HSPG2: variants seen among roughly 807,000 people sequenced by gnomAD.
HSPG2 encodes basement membrane-specific heparan sulfate proteoglycan core protein.
HSPG2 carries 278 observed loss-of-function variants against 526.6 expected under a neutral mutation model. The observed-to-expected ratio is 0.53, with a 90% confidence interval of 0.48 to 0.58. The LOEUF (loss-of-function observed/expected upper bound fraction) is 0.58. Among genes scored for constraint, HSPG2 ranks in the 20% least tolerant of loss-of-function variants. The pLI is 0.00. For synonymous variants in HSPG2, 2,465 were observed against 2,555.4 expected, an observed-to-expected ratio of 0.96 and a Z score of 1.07; for missense variants, 5,354 against 6,099.5, an observed-to-expected ratio of 0.88 and a Z score of 4.07.
chr1:21,841,193 G>C lies in HSPG2; in HGVS notation c.9421C>G (p.Arg3141Gly). 1 of 1,613,840 alleles carries C rather than the reference G, an allele frequency of 6.2e-7. No homozygotes were observed. Reference sequence around the variant, plus strand: ...ATCCGGGTCCAACGAGCAGAGGAGCGGGGCTCCCCGGCACTGACACACTCC... The same window carrying C: ...ATCCGGGTCCAACGAGCAGAGGAGCCGGGCTCCCCGGCACTGACACACTCC... ...TLECVSAGEPRSSARWTRISS... is the reference protein window; with the variant it reads ...TLECVSAGEPGSSARWTRISS... Residue 3141 changes from arginine to glycine, a missense_variant, in exon 71 of 97, where the codon CGC becomes GGC. Physicochemically the swap from Arg to Gly is moderately radical, Grantham distance 125. Transcript: ENST00000374695.
rs369507890 is a variant in HSPG2, at chr1:21,887,410, C to T, written c.958+10G>A. 66 of 1,613,866 alleles carry T rather than the reference C, an allele frequency of 4.1e-5. No homozygotes were observed. The highest frequency in any genetic ancestry group is 9.3e-5 in the African/African-American group (7 of 74,908). On this transcript the variant is annotated intron_variant, in intron 8 of 96. Coordinates refer to ENST00000374695, the MANE Select transcript of HSPG2 (RefSeq NM_005529.7). The surrounding 1 kb of genome is among the most constrained non-coding windows in gnomAD (Gnocchi z 5.0). Reference sequence around the variant, plus strand: ...TCCCCGCACCCACCTGCACCCCTGCCGGTGCGCACCACAGTCTAGCTCATC... The same window carrying T: ...TCCCCGCACCCACCTGCACCCCTGCTGGTGCGCACCACAGTCTAGCTCATC...
chr1:21,854,087 C>G, intron 50 of HSPG2, 106 bp downstream of exon 50: 1 of 1,292,144 alleles, frequency 7.7e-7, no homozygotes, highest in Non-Finnish European at 1.1e-6. Context: ...AGGGTCAAAG[C>G]CTGCCTGGAA....
At chr1:21,830,729 G>A (rs984300716) in intron 85 of HSPG2, 3 of 541,698 alleles carry the variant, frequency 5.5e-6, no homozygotes, top group Non-Finnish European at 9.8e-6. Context: ...CTGGGGGTGG[G>A]GGAGTGCCTG....
chr1:21,911,667 C>T (rs971008268), intron 1 of HSPG2, among the ~76,000 whole-genome samples: 44 of 152,300 alleles, frequency 2.9e-4, no homozygotes, highest in Admixed American at 2.5e-3. Context: ...CCAGGGCCCC[C>T]GTGGGGAGGT....
intron 1 of HSPG2, among the ~76,000 whole-genome samples, chr1:21,930,619 C>A (rs762109909): frequency 6.6e-6 from 1 of 151,978 alleles, no homozygotes; most frequent in Non-Finnish European, 1.5e-5. Context: ...ACTAAAAATA[C>A]AAAAATTAGC....
In HSPG2 at chr1:21,839,298, C is replaced by G; in HGVS notation, c.9889+73G>C. On this transcript the variant is annotated intron_variant, in intron 73 of 96. Coordinates refer to ENST00000374695, the MANE Select transcript of HSPG2 (RefSeq NM_005529.7). This position sits in a 1 kb window ranked among gnomAD's most constrained non-coding sequence, Gnocchi z 4.5. ...ACCTCTGGATGGGGTTCCTGGGGTT[C>G]TGTGTGGGGTGGAGCCTAGTCGGGG... 1 of 1,557,904 alleles carries G rather than the reference C, an allele frequency of 6.4e-7. No homozygotes were observed.
rs1236879666 is a variant in HSPG2, at chr1:21,858,136, C to G, written c.5294-751G>C. Among the ~76,000 whole-genome samples, 3 of 152,120 alleles carry G rather than the reference C, an allele frequency of 2.0e-5. No individual in the cohort carries two copies. Among genetic ancestry groups the G allele is most frequent in the Non-Finnish European group, 4.4e-5 (3 of 68,042 alleles). ...TTGCAGGAGTTGTCCACACTCGCTG[C>G]CTTCCCACCCATGTGTCGCCTCCTT... On this transcript the variant is annotated intron_variant, in intron 42 of 96. Coordinates refer to ENST00000374695, the MANE Select transcript of HSPG2 (RefSeq NM_005529.7). This position sits in a 1 kb window ranked among gnomAD's most constrained non-coding sequence, Gnocchi z 4.2.
At position 21,858,983 on chromosome 1, in the gene HSPG2, G is replaced by A. The variant is rs909659389; in HGVS notation, c.5293+583C>T. On this transcript the variant is annotated intron_variant, in intron 42 of 96. Transcript: ENST00000374695. This position sits in a 1 kb window ranked among gnomAD's most constrained non-coding sequence, Gnocchi z 4.2. ...ATCTGCTTGGTGACACAGCCTTTATGGACGCCCTCCCATCCCTGTCTCACT... is the reference window on the plus strand; with the variant it reads ...ATCTGCTTGGTGACACAGCCTTTATAGACGCCCTCCCATCCCTGTCTCACT... 4.0e-5 allele frequency among the ~76,000 whole-genome samples: 6 copies of A among 151,826 alleles called. No homozygotes were observed. The highest frequency in any genetic ancestry group is 2.1e-4 in the South Asian group (1 of 4,816).
At chr1:21,873,486 G>C in intron 29 of HSPG2, 62 bp from the exon 30 acceptor site, 1 of 1,504,078 alleles carries the variant, frequency 6.6e-7, no homozygotes, top group Non-Finnish European at 9.3e-7. Context: ...CCAGGGCTGG[G>C]CTGAGGGCCC....
chr1:21,851,499 AGG>A, intron 55 of HSPG2, 45 bp downstream of exon 55: 1 of 1,612,032 alleles, frequency 6.2e-7, no homozygotes, highest in Non-Finnish European at 8.5e-7. Flanking sequence ...TCCGCCACCC[AGG>A]GACCCGCTTC....
intron 9 of HSPG2, 106 bp from the exon 10 acceptor site, chr1:21,885,557 G>T (rs1016368557): frequency 3.1e-6 from 4 of 1,276,444 alleles, no homozygotes; most frequent in Non-Finnish European, 4.4e-6. Context: ...AGCGGCCCTC[G>T]CCATGCCTAG....
chr1:21,899,942 C>G (rs1643000769), intron 1 of HSPG2, among the ~76,000 whole-genome samples: 3 of 152,242 alleles, frequency 2.0e-5, no homozygotes, highest in South Asian at 2.1e-4. Context: ...TGTCCCCAAC[C>G]TGACCAGCTC....
intron 1 of HSPG2, among the ~76,000 whole-genome samples, chr1:21,915,154 C>G (rs982131571): frequency 6.6e-6 from 1 of 152,160 alleles, no homozygotes; most frequent in Non-Finnish European, 1.5e-5. Flanking sequence ...CAAGTGCAAA[C>G]AGCACACTTG....
chr1:21,874,320 C>G, intron 28 of HSPG2, 86 bp downstream of exon 28: 1 of 1,561,160 alleles, frequency 6.4e-7, no homozygotes, highest in Middle Eastern at 2.3e-4. Context: ...ACCACTGCCT[C>G]TCAGAAGGGC....
At chr1:21,929,771 C>T (rs998716867) in intron 1 of HSPG2, among the ~76,000 whole-genome samples, 23 of 152,088 alleles carry the variant, frequency 1.5e-4, no homozygotes, top group African/African-American at 5.3e-4. Flanking sequence ...GGAGGCATCC[C>T]GGACTCTTCT....
At position 21,848,166 on chromosome 1, in the gene HSPG2, G is replaced by A. The variant is rs565316881; in HGVS notation, c.7738-73C>T. On this transcript the variant is annotated intron_variant, in intron 59 of 96. Transcript: ENST00000374695. This position sits in a 1 kb window ranked among gnomAD's most constrained non-coding sequence, Gnocchi z 4.9. ...CCTCCACATCTTGGGCACTGCTGCC[G>A]CTGCCCCTGGACTCTGGGGGCCTCC... The A allele has an allele frequency of 2.3e-4, 346 of 1,508,346 alleles. 1 individual carries two copies. In the African/African-American group the frequency reaches 4.3e-3, roughly 19 times the overall value. 93.4% of individuals were successfully genotyped at this position (1,508,346 alleles called of 1,614,324 possible). A position where few individuals can be genotyped will look rare whatever the true frequency, so the allele number is the denominator to read the frequency against.
intron 1 of HSPG2, among the ~76,000 whole-genome samples, chr1:21,932,554 G>A (rs1644374686): frequency 6.6e-6 from 1 of 152,156 alleles, no homozygotes; most frequent in Non-Finnish European, 1.5e-5. Flanking sequence ...CTGAGCAGGA[G>A]GAAGCAGATA....
intron 9 of HSPG2, among the ~76,000 whole-genome samples, chr1:21,886,344 C>T (rs1380699621): frequency 1.3e-5 from 2 of 149,402 alleles, no homozygotes; most frequent in South Asian, 2.2e-4. Context: ...CGTTCGCAAA[C>T]TCTGCCAGTC....
At chr1:21,886,622 A>G (rs2152761682) in intron 9 of HSPG2, among the ~76,000 whole-genome samples, 1 of 152,298 alleles carries the variant, frequency 6.6e-6, no homozygotes, top group Admixed American at 6.5e-5. Flanking sequence ...GATGCCCGTA[A>G]TGTCCATGAC....
Sources: allele counts gnomAD v4.1 joint callset (sites outside exome capture counted in the v4.1 genomes callset), GRCh38; gene constraint gnomAD v4.1.1; non-coding constraint Gnocchi (gnomAD v3.1); transcripts MANE v1.5; gene names NCBI Gene and HGNC (gene_info 2026-07-23, HGNC 2026-07-21).